MAGI2: variants seen among roughly 807,000 people sequenced by gnomAD.
MAGI2 encodes membrane associated guanylate kinase, WW and PDZ domain containing 2.
A neutral mutation model predicts 133.3 loss-of-function variants in MAGI2; 35 were observed. The observed-to-expected ratio is 0.26, with a 90% CI of 0.20 to 0.35. The LOEUF (loss-of-function observed/expected upper bound fraction) is 0.35. MAGI2 is among the 10% of genes least tolerant of loss of function. The probability of loss-of-function intolerance (pLI) is 1.00; values close to 1 mark genes in which losing one functional copy is unlikely to be tolerated. For missense variants in MAGI2, 1,636 were observed against 1,863.4 expected (o/e 0.88, Z 2.25); for synonymous variants, 729 against 710.6 (o/e 1.03, Z -0.41).
chr7:78,400,622 T>C (rs1796773132), intron 6 of MAGI2, among the ~76,000 whole-genome samples: 1 of 152,214 alleles, frequency 6.6e-6, no homozygotes, highest in East Asian at 1.9e-4. Flanking sequence ...ATTCAGATTA[T>C]ACTAAAATTC....
intron 1 of MAGI2, among the ~76,000 whole-genome samples, chr7:79,433,323 G>A (rs959247067): frequency 2.0e-5 from 3 of 151,994 alleles, no homozygotes; most frequent in East Asian, 1.9e-4. Context: ...AGGCCGAGGC[G>A]GATGGATCAT....
intron 13 of MAGI2, among the ~76,000 whole-genome samples, chr7:78,179,198 G>A (rs929020372): frequency 1.3e-5 from 2 of 152,176 alleles, no homozygotes; most frequent in African/African-American, 2.4e-5. Flanking sequence ...TTTAAAGGAG[G>A]TATTAGAACT....
chr7:78,711,827 T>C (rs1196494850), intron 2 of MAGI2, among the ~76,000 whole-genome samples: 1 of 152,146 alleles, frequency 6.6e-6, no homozygotes, highest in Non-Finnish European at 1.5e-5. Flanking sequence ...TTACCTGCAG[T>C]AATGGAGAGC....
chr7:78,923,496 A>G (rs535063082), intron 2 of MAGI2, among the ~76,000 whole-genome samples: 1 of 152,166 alleles, frequency 6.6e-6, no homozygotes, highest in African/African-American at 2.4e-5. Context: ...CAAAGATCAG[A>G]TAGTTGTAGA....
chr7:78,473,285 C>T (rs1791414540), intron 6 of MAGI2, among the ~76,000 whole-genome samples: 1 of 152,060 alleles, frequency 6.6e-6, no homozygotes, highest in Non-Finnish European at 1.5e-5. Context: ...ACTACATTTT[C>T]CATAGCTTAA....
chr7:79,386,581 C>T (rs1480566528), intron 1 of MAGI2, among the ~76,000 whole-genome samples: 16 of 152,056 alleles, frequency 1.1e-4, no homozygotes, highest in Admixed American at 9.8e-4. Flanking sequence ...AATAGCCAAG[C>T]TATAGTTACT....
At chr7:79,288,874 T>C (rs1013988027) in intron 1 of MAGI2, among the ~76,000 whole-genome samples, 3 of 152,270 alleles carry the variant, frequency 2.0e-5, no homozygotes, top group East Asian at 3.9e-4. Flanking sequence ...ATGAATGACG[T>C]TTAAATACTA....
intron 3 of MAGI2, among the ~76,000 whole-genome samples, chr7:78,574,274 C>T (rs185870088): frequency 5.5e-4 from 84 of 152,332 alleles, no homozygotes; most frequent in Middle Eastern, 3.4e-3. Context: ...TTTCTTACCA[C>T]AGGCTTTCAC....
intron 2 of MAGI2, among the ~76,000 whole-genome samples, chr7:78,799,245 G>A (rs1394761300): frequency 6.6e-6 from 1 of 152,108 alleles, no homozygotes; most frequent in Non-Finnish European, 1.5e-5. Flanking sequence ...ACAAGGGGCT[G>A]TATATGACTA....
Position 78,976,459 on chromosome 7 carries a change from G to GTAAATAAATAAATAAA in MAGI2, c.418+30615_418+30630dup, listed in dbSNP as rs140485157. On this transcript the variant is annotated intron_variant, in intron 2 of 21. Coordinates refer to ENST00000354212, the MANE Select transcript of MAGI2 (RefSeq NM_012301.4). ...CAGAACATCCACAAAAAATAAATAA[G>GTAAATAAATAAATAAA]TAAATAAATAAATAAATAAATAAAT... Among the ~76,000 whole-genome samples, 1,192 of 150,758 alleles carry GTAAATAAATAAATAAA rather than the reference G, an allele frequency of 7.9e-3. 9 individuals carry two copies. The highest frequency in any genetic ancestry group is 0.027 in the African/African-American group (1,097 of 41,056).
chr7:79,380,620 C>T (rs1843708110), intron 1 of MAGI2, among the ~76,000 whole-genome samples: 1 of 151,752 alleles, frequency 6.6e-6, no homozygotes, highest in Admixed American at 6.6e-5. Context: ...GATCTTCTAT[C>T]ATTACTATTT....
intron 2 of MAGI2, among the ~76,000 whole-genome samples, chr7:78,906,254 T>C (rs1797985672): frequency 6.6e-6 from 1 of 152,234 alleles, no homozygotes; most frequent in Non-Finnish European, 1.5e-5. Flanking sequence ...GGTGGGTAGC[T>C]GATTCTGTCA....
At position 78,256,490 on chromosome 7, in the gene MAGI2, C is replaced by G; in HGVS notation, c.1500G>C (p.Gln500His). Reference protein sequence around the residue: ...VKLFQSVPIGQSVNLVLCRGY... With the variant: ...VKLFQSVPIGHSVNLVLCRGY... ...CACGACACAACACCAGGTTGACACT[C>G]TGACCAATAGGAACAGACTGGAAAA... The change falls in exon 10 of 22, where the codon CAG (glutamine) becomes CAC (histidine). Residue 500 changes from glutamine (Q) to histidine (H), a missense_variant. Gln to His is a conservative substitution (Grantham distance 24, BLOSUM62 0). Transcript: ENST00000354212. The G allele has an allele frequency of 6.2e-7, 1 of 1,613,918 alleles. No homozygotes were observed. The highest frequency in any genetic ancestry group is 8.5e-7 in the Non-Finnish European group (1 of 1,179,964).
At chr7:78,548,831 T>C (rs1253496897) in intron 3 of MAGI2, among the ~76,000 whole-genome samples, 2 of 152,254 alleles carry the variant, frequency 1.3e-5, no homozygotes. Context: ...AATTATTTTT[T>C]CTTTGATTTA....
At chr7:78,237,971 T>C (rs1412229011) in intron 10 of MAGI2, among the ~76,000 whole-genome samples, 2 of 152,204 alleles carry the variant, frequency 1.3e-5, no homozygotes, top group Non-Finnish European at 1.5e-5. Flanking sequence ...TTTGATCCTG[T>C]TGCCAAATCC....
chr7:79,071,483 G>A (rs1437618521), intron 1 of MAGI2, among the ~76,000 whole-genome samples: 1 of 152,160 alleles, frequency 6.6e-6, no homozygotes, highest in African/African-American at 2.4e-5. Flanking sequence ...CGCTGTGCTG[G>A]GAGATCTGCT....
intron 9 of MAGI2, among the ~76,000 whole-genome samples, chr7:78,282,815 G>A (rs956948684): frequency 1.3e-5 from 2 of 151,964 alleles, no homozygotes; most frequent in Non-Finnish European, 2.9e-5. Context: ...TGAGGGGTGG[G>A]AGGGTCACAA....
chr7:78,362,304 TA>T (rs1306809042), intron 7 of MAGI2, among the ~76,000 whole-genome samples: 1 of 152,004 alleles, frequency 6.6e-6, no homozygotes, highest in Admixed American at 6.5e-5. Flanking sequence ...TCTGTTTCAA[TA>T]AATAAGTAAA....
At chr7:78,700,637 A>G (rs1293272722) in intron 2 of MAGI2, among the ~76,000 whole-genome samples, 1 of 152,034 alleles carries the variant, frequency 6.6e-6, no homozygotes, top group Non-Finnish European at 1.5e-5. Context: ...TACCTACCAT[A>G]TATATTGGCA....
Sources: allele counts gnomAD v4.1 joint callset (sites outside exome capture counted in the v4.1 genomes callset), GRCh38; gene constraint gnomAD v4.1.1; transcripts MANE v1.5; gene names NCBI Gene and HGNC (gene_info 2026-07-23, HGNC 2026-07-21).